ATXN7: variants seen among roughly 807,000 people sequenced by gnomAD.
The protein encoded by ATXN7 is ataxin 7, also known as ataxin-7.
ATXN7 carries 12 observed loss-of-function variants against 70.5 expected under a neutral mutation model. The observed-to-expected ratio is 0.17, with a 90% CI of 0.11 to 0.28. ATXN7 has a LOEUF of 0.28. Among genes scored for constraint, ATXN7 ranks in the 10% least tolerant of loss-of-function variants. The pLI, the probability that ATXN7 is intolerant of heterozygous loss-of-function variation, is 1.00. For synonymous variants in ATXN7, 498 were observed against 448.7 expected (o/e 1.11, Z -1.39); for missense variants, 1,256 against 1,131.7 (o/e 1.11, Z -1.58).
chr3:63,926,738 T>C (rs532954143), intron 4 of ATXN7, among the ~76,000 whole-genome samples: 1 of 152,302 alleles, frequency 6.6e-6, no homozygotes. Flanking sequence ...TCTTCCCTGA[T>C]GGTTTCTTCT....
chr3:63,899,590 A>G (rs1703553640), intron 2 of ATXN7, among the ~76,000 whole-genome samples: 2 of 151,902 alleles, frequency 1.3e-5, no homozygotes, highest in Admixed American at 6.6e-5. Context: ...TGGCCAACAT[A>G]GCTACACCCC....
In ATXN7 at chr3:63,863,914, G is replaced by A. The variant is rs1286790806; in HGVS notation, c.-355G>A. ...CATGGAGGAGGAGGCGGCGGCGCCC[G>A]CGGCCGCCTGCTCCGACGCCTGAGC... On this transcript the variant is annotated 5_prime_UTR_variant, in exon 1 of 13. Coordinates refer to ENST00000674280, the MANE Select transcript of ATXN7 (RefSeq NM_001377405.1). The A allele has an allele frequency of 9.1e-6, 9 of 988,596 alleles. No individual in the cohort carries two copies. Among genetic ancestry groups the A allele is most frequent in the African/African-American group, 1.8e-5 (1 of 56,518 alleles). 61.2% of individuals were successfully genotyped at this position (988,596 alleles called of 1,614,324 possible).
At chr3:63,871,257 A>G (rs1167601865) in intron 1 of ATXN7, among the ~76,000 whole-genome samples, 1 of 152,206 alleles carries the variant, frequency 6.6e-6, no homozygotes, top group Non-Finnish European at 1.5e-5. Context: ...TATAAGAGGC[A>G]TGACTCAGTA....
At position 63,975,996 on chromosome 3, in the gene ATXN7, G is replaced by C. The variant is rs75842094; in HGVS notation, c.500-3919G>C. Among the ~76,000 whole-genome samples the C allele has an allele frequency of 3.9e-4, 60 of 152,318 alleles. No individual in the cohort carries two copies. The East Asian group carries it at 9.8e-3, about 25-fold the overall frequency. ...TGCCCTCCTCATTCAGGGACAGAGT[G>C]TGCTTTCTCTGGGCTGGTGCCAGAT... On this transcript the variant is annotated intron_variant, in intron 5 of 12. Coordinates refer to ENST00000674280, the MANE Select transcript of ATXN7 (RefSeq NM_001377405.1).
intron 3 of ATXN7, 48 bp downstream of exon 3, chr3:63,912,971 CCT>C (rs764153847): frequency 7.6e-7 from 1 of 1,322,174 alleles, no homozygotes; most frequent in Non-Finnish European, 1.0e-6. Flanking sequence ...GCGACCCCCT[CCT>C]CTCTCCTCCC....
chr3:63,996,211 A>G lies in ATXN7; in HGVS notation c.2389A>G (p.Ser797Gly). Residue 797 changes from serine (S) to glycine (G), a missense_variant, in exon 12 of 13, where the codon AGC becomes GGC. Physicochemically the swap from Ser to Gly is moderately conservative, Grantham distance 56 (BLOSUM62 0). Coordinates refer to ENST00000674280, the MANE Select transcript of ATXN7 (RefSeq NM_001377405.1). ...SIKRMSVMVN[S>G]SDSTLSLGPF... ...CAAGAGGATGAGTGTGATGGTGAAC[A>G]GCAGTGATTCTACTCTTTCTCTTGG... The G allele has an allele frequency of 6.2e-7, 1 of 1,614,206 alleles. No homozygotes were observed. Among genetic ancestry groups the G allele is most frequent in the Admixed American group, 1.7e-5 (1 of 60,026 alleles).
At chr3:63,963,473 A>T (rs1056688271) in intron 5 of ATXN7, among the ~76,000 whole-genome samples, 3 of 152,176 alleles carry the variant, frequency 2.0e-5, no homozygotes, top group Non-Finnish European at 4.4e-5. Flanking sequence ...TATAAATCAT[A>T]CATGCTGCAT....
chr3:63,908,456 A>C (rs2107285395), intron 2 of ATXN7, among the ~76,000 whole-genome samples: 1 of 152,336 alleles, frequency 6.6e-6, no homozygotes, highest in African/African-American at 2.4e-5. Flanking sequence ...CAAAGCCAAC[A>C]CATTCCTAAT....
rs1028861620 is a variant in ATXN7, at chr3:64,002,957, A to T, written c.*3490A>T. ...TCTGAGAACATTGAAAAAAATGTAT[A>T]ATTTGAAAAATGTAACTTATAAGGG... On this transcript the variant is annotated 3_prime_UTR_variant, in exon 13 of 13. Coordinates refer to ENST00000674280, the MANE Select transcript of ATXN7 (RefSeq NM_001377405.1). 3 of 152,178 alleles carry T rather than the reference A, an allele frequency of 2.0e-5. No individual in the cohort carries two copies. Among genetic ancestry groups the T allele is most frequent in the African/African-American group, 7.2e-5 (3 of 41,436 alleles). 9.4% of individuals were successfully genotyped at this position (152,178 alleles called of 1,614,324 possible).
intron 2 of ATXN7, among the ~76,000 whole-genome samples, chr3:63,907,410 ACTTC>A: frequency 6.7e-6 from 1 of 149,950 alleles, no homozygotes; most frequent in Admixed American, 6.6e-5. Flanking sequence ...TATACAGTCG[ACTTC>A]CTTTTATAGC....
intron 4 of ATXN7, among the ~76,000 whole-genome samples, chr3:63,949,561 G>A (rs901868450): frequency 2.0e-5 from 3 of 152,054 alleles, no homozygotes; most frequent in African/African-American, 7.2e-5. Flanking sequence ...ACCACACCCA[G>A]CTAATTTTTG....
chr3:63,999,341 CTT>C, intron 12 of ATXN7, 107 bp from the exon 13 acceptor site: 1 of 917,764 alleles, frequency 1.1e-6, no homozygotes, highest in South Asian at 1.5e-5. Context: ...TCAATGGAGA[CTT>C]TAGTAGCGTG....
Position 63,944,769 on chromosome 3 carries a change from TGTTA to T in ATXN7, c.395-7606_395-7603del, listed in dbSNP as rs927990106. On this transcript the variant is annotated intron_variant, in intron 4 of 12. Transcript: ENST00000674280. ...GTGAGTTATGTTTTTTTTTGTTTTT[TGTTA>T]GTTTTTGGTTTTTGTTTTTTGTTTG... is the stretch of plus-strand genomic sequence containing the variant. 3.4e-4 allele frequency among the ~76,000 whole-genome samples: 52 copies of T among 152,144 alleles called. 1 individual carries two copies. The highest frequency in any genetic ancestry group is 7.2e-4 in the Admixed American group (11 of 15,274).
At chr3:63,929,762 C>T (rs1704871458) in intron 4 of ATXN7, among the ~76,000 whole-genome samples, 1 of 152,098 alleles carries the variant, frequency 6.6e-6, no homozygotes, top group African/African-American at 2.4e-5. Flanking sequence ...AACTTTTCAT[C>T]AGATATTTTC....
At chr3:63,986,707 C>G (rs1192045891) in intron 8 of ATXN7, among the ~76,000 whole-genome samples, 3 of 152,144 alleles carry the variant, frequency 2.0e-5, no homozygotes, top group Non-Finnish European at 4.4e-5. Context: ...ATGTAAAAAG[C>G]TAAACACATT....
chr3:63,939,191 C>T (rs1307573117), intron 4 of ATXN7, among the ~76,000 whole-genome samples: 1 of 152,132 alleles, frequency 6.6e-6, no homozygotes, highest in Non-Finnish European at 1.5e-5. Context: ...AGGATTCTTT[C>T]TCAGAGACTG....
At chr3:63,998,004 A>AT in intron 12 of ATXN7, 1 of 985,416 alleles carries the variant, frequency 1.0e-6, no homozygotes, top group Non-Finnish European at 1.2e-6. Flanking sequence ...GTTTATAAGC[A>AT]TAACAGTCCA....
intron 5 of ATXN7, among the ~76,000 whole-genome samples, chr3:63,955,194 A>G (rs1382126855): frequency 2.0e-5 from 3 of 152,092 alleles, no homozygotes; most frequent in Non-Finnish European, 4.4e-5. Context: ...TTGGCAGGAG[A>G]TGTGACTGAC....
Position 64,003,205 on chromosome 3 carries a change from C to CTTTTTTTTTTT in ATXN7, c.*3752_*3762dup, listed in dbSNP as rs754267860. Reference sequence around the variant, plus strand: ...AATGTAGGGCCTTGAAAGCATTTTGCTTTTTTTTTTTTTTTTTTTTTTTTG... The same window carrying CTTTTTTTTTTT: ...AATGTAGGGCCTTGAAAGCATTTTGCTTTTTTTTTTTTTTTTTTTTTTTTTTTTTTTTTTTG... On this transcript the variant is annotated 3_prime_UTR_variant, in exon 13 of 13. Transcript: ENST00000674280. The CTTTTTTTTTTT allele has an allele frequency of 2.6e-5, 2 of 75,510 alleles. No individual in the cohort carries two copies. The highest frequency in any genetic ancestry group is 1.6e-4 in the Admixed American group (1 of 6,322). The allele number at this position is 75,510 out of a possible 1,614,324, so 4.7% of individuals were successfully genotyped here. A position where few individuals can be genotyped will look rare whatever the true frequency, so the allele number is the denominator to read the frequency against.
Sources: allele counts gnomAD v4.1 joint callset (sites outside exome capture counted in the v4.1 genomes callset), GRCh38; gene constraint gnomAD v4.1.1; transcripts MANE v1.5; gene names NCBI Gene and HGNC (gene_info 2026-07-23, HGNC 2026-07-21).